PTPRB: variants seen among roughly 807,000 people sequenced by gnomAD.
PTPRB encodes the protein protein tyrosine phosphatase receptor type B.
Under a neutral mutation model 238.1 loss-of-function variants are expected in PTPRB, and 97 were observed. That is an observed-to-expected ratio of 0.41 (90% CI 0.35 to 0.48). PTPRB has a LOEUF of 0.48. Ranked by LOEUF, PTPRB falls within the 20% of genes least tolerant of loss-of-function variation. The pLI, the probability that PTPRB is intolerant of heterozygous loss-of-function variation, is 0.30. For synonymous variants in PTPRB, 970 were observed against 995.4 expected (o/e 0.97, Z 0.48); for missense variants, 2,292 against 2,681.9 (o/e 0.85, Z 3.21).
Position 70,590,094 on chromosome 12 carries a change from G to C in PTPRB, c.1920C>G (p.Ile640Met). The change falls in exon 8 of 34, where the codon ATC becomes ATG. Residue 640 changes from isoleucine (I) to methionine (M), a missense_variant. This residue lies in a region of PTPRB where 1,205 missense variants were observed against 1,287.8 expected (regional missense o/e 0.94). Coordinates refer to ENST00000334414, the MANE Select transcript of PTPRB (RefSeq NM_001109754.4). ...LFNDSVVLLN[I>M]TVGKEETQYV... Reference sequence around the variant, plus strand: ...ACTGTGTTTCTTCCTTTCCCACAGTGATGTTGAGCAGCACCACAGAATCAT... The same window carrying C: ...ACTGTGTTTCTTCCTTTCCCACAGTCATGTTGAGCAGCACCACAGAATCAT... The C allele has an allele frequency of 6.2e-7, 1 of 1,613,942 alleles. No homozygotes were observed.
At chr12:70,548,197 G>A (rs1375775831) in intron 21 of PTPRB, among the ~76,000 whole-genome samples, 1 of 152,066 alleles carries the variant, frequency 6.6e-6, no homozygotes, top group Non-Finnish European at 1.5e-5. Context: ...CCCGTGTGAT[G>A]CGTGCCTGTA....
intron 10 of PTPRB, among the ~76,000 whole-genome samples, chr12:70,578,954 C>T (rs1881079330): frequency 6.6e-6 from 1 of 152,180 alleles, no homozygotes; most frequent in Admixed American, 6.5e-5. Flanking sequence ...TTGTACCCCT[C>T]CCCAACCTCC....
Position 70,559,508 on chromosome 12 carries a change from G to A in PTPRB, c.4549C>T (p.Pro1517Ser). Residue 1517 changes from proline (P) to serine (S), a missense_variant, in exon 18 of 34, where the codon CCC becomes TCC. Pro to Ser is a moderately conservative substitution (Grantham distance 74, BLOSUM62 -1). Transcript: ENST00000334414. ...TTGAAGACAGTAAGTGCATCTCTGG[G>A]CAACCACTGCAGCTCAAAGTCGTTG... ...DYNDFELQWLPRDALTVFNPY... is the reference protein window; with the variant it reads ...DYNDFELQWLSRDALTVFNPY... The A allele has an allele frequency of 6.2e-7, 1 of 1,613,962 alleles. No individual in the cohort carries two copies. The highest frequency in any genetic ancestry group is 8.5e-7 in the Non-Finnish European group (1 of 1,179,872).
At chr12:70,612,923 G>T (rs545160502) in intron 3 of PTPRB, among the ~76,000 whole-genome samples, 12 of 152,256 alleles carry the variant, frequency 7.9e-5, no homozygotes, top group African/African-American at 2.9e-4. Flanking sequence ...GGACGCAGAG[G>T]TTGCCATAAG....
chr12:70,603,324 A>G (rs1270100558), intron 4 of PTPRB, among the ~76,000 whole-genome samples: 1 of 152,212 alleles, frequency 6.6e-6, no homozygotes, highest in African/African-American at 2.4e-5. Flanking sequence ...AGTGACTCGC[A>G]ATTGCTTCAC....
rs764911978 is a variant in PTPRB, at chr12:70,534,566, G to C, written c.6290C>G (p.Ser2097Cys). 27 of 1,613,162 alleles carry C rather than the reference G, an allele frequency of 1.7e-5. No individual in the cohort carries two copies. The East Asian group carries it at 5.8e-4, about 35-fold the overall frequency. Residue 2097 changes from serine to cysteine, a missense_variant, in exon 31 of 34, where the codon TCT becomes TGT. This residue lies in a region of PTPRB where 397 missense variants were observed against 502.0 expected (regional missense o/e 0.79). Coordinates refer to ENST00000334414, the MANE Select transcript of PTPRB (RefSeq NM_001109754.4). ...GACAGTTCTCACAAACTGGATCAGA[G>C]ACTGGGTGGTTTCTGGGACTCCATG... is the stretch of plus-strand genomic sequence containing the variant. ...PDHGVPETTQSLIQFVRTVRD... is the reference protein window; with the variant it reads ...PDHGVPETTQCLIQFVRTVRD...
chr12:70,621,999 G>T (rs1884959913), intron 3 of PTPRB, among the ~76,000 whole-genome samples: 1 of 152,150 alleles, frequency 6.6e-6, no homozygotes, highest in South Asian at 2.1e-4. Context: ...ATCTGCCATT[G>T]CTTTAGTCTC....
rs1376434520 is a variant in PTPRB at position 70,517,119 on chromosome 12, A to G, written c.*4370T>C. The G allele has an allele frequency of 6.6e-6, 1 of 152,240 alleles. No homozygotes were observed. Among genetic ancestry groups the G allele is most frequent in the East Asian group, 1.9e-4 (1 of 5,200 alleles). 9.4% of individuals were successfully genotyped at this position (152,240 alleles called of 1,614,324 possible). Reference sequence around the variant, plus strand: ...AACATTTTCAAAGTCATCATGCACTACAAGAATCTAAGGCAGTGTGTCTAA... The same window carrying G: ...AACATTTTCAAAGTCATCATGCACTGCAAGAATCTAAGGCAGTGTGTCTAA... On this transcript the variant is annotated 3_prime_UTR_variant, in exon 34 of 34. Coordinates refer to ENST00000334414, the MANE Select transcript of PTPRB (RefSeq NM_001109754.4).
chr12:70,559,161 T>A, intron 18 of PTPRB, 182 bp downstream of exon 18: 1 of 657,780 alleles, frequency 1.5e-6, no homozygotes, highest in East Asian at 2.7e-5. Context: ...GAGAGAGATT[T>A]ATTGTCCCTT....
At chr12:70,527,778 A>C (rs999775919) in intron 32 of PTPRB, 5 of 152,178 alleles carry the variant, frequency 3.3e-5, no homozygotes, top group Admixed American at 6.5e-5. Flanking sequence ...CCAGAAAAAT[A>C]ATACAAGGGG....
intron 7 of PTPRB, 126 bp downstream of exon 7, chr12:70,592,156 C>T (rs1322379947): frequency 7.5e-7 from 1 of 1,338,130 alleles, no homozygotes; most frequent in African/African-American, 1.5e-5. Context: ...CAGACACCTT[C>T]AGTTACATAG....
At chr12:70,609,897 T>TGC in intron 3 of PTPRB, 1 of 1,334,422 alleles carries the variant, frequency 7.5e-7, no homozygotes, top group African/African-American at 1.5e-5. Flanking sequence ...GGTCACCTGT[T>TGC]GCGCGCGCTC....
chr12:70,559,238 C>T, intron 18 of PTPRB, 105 bp downstream of exon 18: 3 of 1,239,976 alleles, frequency 2.4e-6, no homozygotes, highest in Non-Finnish European at 2.3e-6. Flanking sequence ...CCAGACCAAT[C>T]CCATGTAAAA....
chr12:70,538,693 G>C (rs1405564706), intron 27 of PTPRB: 1 of 554,306 alleles, frequency 1.8e-6, no homozygotes, highest in Non-Finnish European at 3.2e-6. Flanking sequence ...AGCATCACAT[G>C]GGGAAATGTC....
At chr12:70,632,714 G>C (rs745435215) in intron 2 of PTPRB, among the ~76,000 whole-genome samples, 12 of 152,066 alleles carry the variant, frequency 7.9e-5, no homozygotes, top group Non-Finnish European at 1.2e-4. Context: ...ATTACTTTAA[G>C]GAATAAGATG....
chr12:70,546,903 C>G (rs2567140), intron 21 of PTPRB, among the ~76,000 whole-genome samples: 1 of 151,780 alleles, frequency 6.6e-6, no homozygotes, highest in Non-Finnish European at 1.5e-5. Flanking sequence ...GTCCCTCCTA[C>G]TGTGAAGATT....
chr12:70,571,703 A>G (rs1880071195), intron 12 of PTPRB, 121 bp downstream of exon 12: 20 of 1,135,178 alleles, frequency 1.8e-5, no homozygotes, highest in Non-Finnish European at 2.5e-5. Flanking sequence ...GTTAGCACCA[A>G]GTGAGACTTA....
intron 1 of PTPRB, among the ~76,000 whole-genome samples, chr12:70,636,409 A>T (rs1592618205): frequency 6.7e-6 from 1 of 148,446 alleles, no homozygotes; most frequent in East Asian, 1.9e-4. Flanking sequence ...TAGCCCAATT[A>T]GTTAGATATG....
At chr12:70,581,524 T>C (rs1881394034) in intron 9 of PTPRB, among the ~76,000 whole-genome samples, 2 of 152,212 alleles carry the variant, frequency 1.3e-5, no homozygotes, top group Admixed American at 1.3e-4. Flanking sequence ...ATCAAAATTA[T>C]TTAAGATCCA....
Sources: allele counts gnomAD v4.1 joint callset (sites outside exome capture counted in the v4.1 genomes callset), GRCh38; gene constraint gnomAD v4.1.1; regional missense constraint gnomAD v4.1.1; transcripts MANE v1.5; gene names NCBI Gene and HGNC (gene_info 2026-07-23, HGNC 2026-07-21).